NEMF: variants seen among roughly 807,000 people sequenced by gnomAD.
NEMF encodes the protein nuclear export mediator factor.
In NEMF, 89 loss-of-function variants were observed where a neutral mutation model predicts 162.2. The ratio of observed to expected loss-of-function variants is 0.55; its 90% CI spans 0.46 to 0.65. The LOEUF is 0.65. NEMF is among the 30% of genes least tolerant of loss of function. NEMF has a pLI of 0.00. For synonymous variants in NEMF, 421 were observed against 404.5 expected, an observed-to-expected ratio of 1.04 and a Z score of -0.49; for missense variants, 1,133 against 1,261.9, an observed-to-expected ratio of 0.90 and a Z score of 1.55.
chr14:49,802,930 G>T (rs1470201905), intron 20 of NEMF, among the ~76,000 whole-genome samples: 3 of 152,110 alleles, frequency 2.0e-5, no homozygotes, highest in African/African-American at 7.2e-5. Flanking sequence ...ATACACACTT[G>T]CTCTGATATT....
intron 26 of NEMF, among the ~76,000 whole-genome samples, chr14:49,793,150 T>C (rs1027273084): frequency 6.6e-6 from 1 of 152,134 alleles, no homozygotes; most frequent in East Asian, 1.9e-4. Context: ...AACAAAGATA[T>C]ACACGATTAC....
chr14:49,784,807 C>G, intron 32 of NEMF, 94 bp from the exon 33 acceptor site: 1 of 1,414,270 alleles, frequency 7.1e-7, no homozygotes, highest in Admixed American at 1.8e-5. Context: ...AAACTTTTAG[C>G]TGAGATGGTT....
chr14:49,835,676 A>T (rs778407862), intron 6 of NEMF, among the ~76,000 whole-genome samples: 2 of 152,202 alleles, frequency 1.3e-5, no homozygotes, highest in Non-Finnish European at 2.9e-5. Context: ...CAATAAGGCA[A>T]ATTAATTAAT....
At chr14:49,815,318 A>G in intron 16 of NEMF, among the ~76,000 whole-genome samples, 1 of 152,144 alleles carries the variant, frequency 6.6e-6, no homozygotes, top group East Asian at 1.9e-4. Context: ...AAGACCAAAA[A>G]TTGTCCTTAG....
At position 49,840,671 on chromosome 14, in the gene NEMF, T is replaced by G. The variant is rs771273438; in HGVS notation, c.506+47A>C. On this transcript the variant is annotated intron_variant, in intron 5 of 32. Transcript: ENST00000298310. ...GACAGGGTCTCATTATGTTGCCCAG[T>G]ACATTTTAATACAATACGAAATGGG... 2.6e-6 allele frequency: 4 copies of G among 1,551,546 alleles called. No homozygotes were observed. In the Admixed American group the frequency reaches 5.8e-5, roughly 22 times the overall value.
intron 26 of NEMF, among the ~76,000 whole-genome samples, chr14:49,792,819 A>G (rs4243564): frequency 0.96 from 146,593 of 152,190 alleles, 70,852 homozygotes; most frequent in East Asian, 1. Context: ...TCTAAAAATA[A>G]TAAAAATAAA....
intron 22 of NEMF, chr14:49,801,035 T>C (rs547218080): frequency 4.0e-6 from 1 of 248,418 alleles, no homozygotes; most frequent in South Asian, 7.2e-5. Flanking sequence ...TATTATAATT[T>C]GCACATAAAA....
chr14:49,792,671 C>T (rs1890508720), intron 26 of NEMF, among the ~76,000 whole-genome samples: 1 of 152,184 alleles, frequency 6.6e-6, no homozygotes, highest in African/African-American at 2.4e-5. Context: ...ATATACCATA[C>T]TGACTAACAG....
chr14:49,849,178 T>G (rs1253594134), intron 3 of NEMF, among the ~76,000 whole-genome samples: 1 of 152,192 alleles, frequency 6.6e-6, no homozygotes, highest in East Asian at 1.9e-4. Context: ...AGGGCTATCT[T>G]TAAATCCCTA....
At chr14:49,843,928 A>G (rs1345367281) in intron 4 of NEMF, among the ~76,000 whole-genome samples, 5 of 152,070 alleles carry the variant, frequency 3.3e-5, no homozygotes, top group Non-Finnish European at 7.4e-5. Flanking sequence ...GTGAAACCCC[A>G]TCTCTACTAA....
chr14:49,830,939 C>T (rs1288066700), intron 11 of NEMF, among the ~76,000 whole-genome samples: 1 of 152,204 alleles, frequency 6.6e-6, no homozygotes, highest in Non-Finnish European at 1.5e-5. Flanking sequence ...AATATCCCCT[C>T]CTCTGGCCTA....
intron 19 of NEMF, among the ~76,000 whole-genome samples, chr14:49,804,945 G>A (rs193203782): frequency 8.0e-4 from 122 of 152,132 alleles, no homozygotes; most frequent in Middle Eastern, 6.8e-3. Context: ...CAGGAGAATC[G>A]CTTGAACCCA....
Position 49,834,367 on chromosome 14 carries a change from A to T in NEMF, c.657T>A (p.Thr219=). 1 of 1,587,746 alleles carries T rather than the reference A, an allele frequency of 6.3e-7. No homozygotes were observed. The highest frequency in any genetic ancestry group is 8.6e-7 in the Non-Finnish European group (1 of 1,156,380). The change falls in exon 7 of 33, where the codon ACT becomes ACA. Residue 219 remains threonine (T), a synonymous_variant. Transcript: ENST00000298310. The part of the protein sequence containing the change: ...GNVKVDEKLE[T]KDIEKVLVSL... ...AAATGTACCATGCAGACATACCTTT[A>T]GTTTCAAGTTTTTCATCCACTTTGA...
At chr14:49,822,935 T>G (rs1892153946) in intron 16 of NEMF, among the ~76,000 whole-genome samples, 1 of 542 alleles carries the variant, frequency 1.8e-3, no homozygotes, top group East Asian at 0.5. Flanking sequence ...CCCTTAGAGA[T>G]TTTTTTTTTT....
At chr14:49,790,941 C>G (rs1430263743) in intron 26 of NEMF, among the ~76,000 whole-genome samples, 1 of 150,438 alleles carries the variant, frequency 6.6e-6, no homozygotes, top group Non-Finnish European at 1.5e-5. Context: ...TGCGGTGAGC[C>G]GAGATCATGC....
At chr14:49,792,272 A>G (rs1047068222) in intron 26 of NEMF, among the ~76,000 whole-genome samples, 2 of 152,182 alleles carry the variant, frequency 1.3e-5, no homozygotes, top group African/African-American at 4.8e-5. Context: ...GCTGGAGTGC[A>G]GTGCATGACC....
intron 5 of NEMF, among the ~76,000 whole-genome samples, chr14:49,840,449 G>A (rs1331979306): frequency 1.1e-4 from 13 of 118,484 alleles, no homozygotes; most frequent in Non-Finnish European, 1.6e-4. Flanking sequence ...GCAACAGAGC[G>A]AGACTCCATC....
intron 20 of NEMF, 99 bp from the exon 21 acceptor site, chr14:49,802,826 A>T: frequency 1.2e-6 from 1 of 802,560 alleles, no homozygotes; most frequent in Non-Finnish European, 2.1e-6. Context: ...ACTAATGGTC[A>T]TATCCATTTT....
chr14:49,796,065 T>C (rs1285050977), intron 25 of NEMF, 121 bp from the exon 26 acceptor site: 2 of 680,712 alleles, frequency 2.9e-6, no homozygotes, highest in African/African-American at 3.6e-5. Flanking sequence ...CTGCTTCACT[T>C]GATAATCACC....
Sources: gnomAD v4.1 joint callset for allele counts (sites outside exome capture counted in the v4.1 genomes callset) on GRCh38, gnomAD v4.1.1 for gene constraint, MANE v1.5 for transcripts, NCBI Gene and HGNC (gene_info 2026-07-23, HGNC 2026-07-21) for gene names.